The following GAS2 variants were observed in gnomAD, a reference collection of about 807,000 sequenced individuals.
GAS2 encodes growth arrest specific 2, also known as growth arrest-specific protein 2.
Under a neutral mutation model 37.5 loss-of-function variants are expected in GAS2, and 20 were observed. The observed-to-expected ratio is 0.53, with a 90% CI of 0.37 to 0.77. The LOEUF (loss-of-function observed/expected upper bound fraction) is 0.77, where lower values mean the gene tolerates loss of function less well. GAS2 is among the 30% of genes least tolerant of loss of function. The probability of loss-of-function intolerance (pLI) is 0.00; values close to 1 mark genes in which losing one functional copy is unlikely to be tolerated. For missense variants in GAS2, 336 were observed against 373.4 expected (o/e 0.90, Z 0.82); for synonymous variants, 144 against 132.2 (o/e 1.09, Z -0.61).
At chr11:22,804,521 T>G (rs1257004628) in intron 7 of GAS2, among the ~76,000 whole-genome samples, 1 of 152,112 alleles carries the variant, frequency 6.6e-6, no homozygotes, top group Non-Finnish European at 1.5e-5. Flanking sequence ...AGAAGCAAAG[T>G]GTACTGTAGG....
At chr11:22,731,685 T>C (rs775046598) in intron 4 of GAS2, among the ~76,000 whole-genome samples, 1 of 151,786 alleles carries the variant, frequency 6.6e-6, no homozygotes, top group Non-Finnish European at 1.5e-5. Context: ...AGAAAAAGAA[T>C]CTATGCCTGC....
intron 7 of GAS2, among the ~76,000 whole-genome samples, chr11:22,807,088 A>G (rs1004772020): frequency 6.9e-6 from 1 of 145,048 alleles, no homozygotes; most frequent in Non-Finnish European, 1.5e-5. Context: ...CATTTTTTTC[A>G]GTGTAGCTTA....
At chr11:22,756,152 C>T (rs937164459) in intron 7 of GAS2, among the ~76,000 whole-genome samples, 199 bp downstream of exon 7, 22 of 151,938 alleles carry the variant, frequency 1.4e-4, no homozygotes, top group African/African-American at 5.1e-4. Context: ...GTACATATAC[C>T]AAAACGCATA....
intron 4 of GAS2, 68 bp downstream of exon 4, chr11:22,726,501 C>A: frequency 6.9e-7 from 1 of 1,444,962 alleles, no homozygotes; most frequent in Non-Finnish European, 9.5e-7. Context: ...GTCAGTATAG[C>A]CATCAAAAAG....
chr11:22,812,428 C>T lies in GAS2; in HGVS notation c.*412C>T, dbSNP rs796213575. ...TTTTTATAATTGCAAGATTTTTATGCTTTTTTTTTTTTTTTTTTACAAAAT... is the reference window on the plus strand; with the variant it reads ...TTTTTATAATTGCAAGATTTTTATGTTTTTTTTTTTTTTTTTTTACAAAAT... On this transcript the variant is annotated 3_prime_UTR_variant, in exon 8 of 8. Coordinates refer to ENST00000454584, the MANE Select transcript of GAS2 (RefSeq NM_001143830.3). 37 of 136,954 alleles carry T rather than the reference C, an allele frequency of 2.7e-4. No individual in the cohort carries two copies. The highest frequency in any genetic ancestry group is 3.7e-4 in the Admixed American group (5 of 13,514). The allele number at this position is 136,954 out of a possible 1,614,324, so 8.5% of individuals were successfully genotyped here.
intron 1 of GAS2, among the ~76,000 whole-genome samples, chr11:22,639,190 C>T (rs1271862808): frequency 6.6e-6 from 1 of 152,048 alleles, no homozygotes; most frequent in African/African-American, 2.4e-5. Flanking sequence ...AATTTAATTG[C>T]CAATATAATA....
intron 1 of GAS2, chr11:22,626,233 T>C: frequency 4.3e-6 from 1 of 229,930 alleles, no homozygotes. Flanking sequence ...GAAACGCTCT[T>C]AAATGAAATT....
chr11:22,786,726 T>C (rs1388618564), intron 7 of GAS2, among the ~76,000 whole-genome samples: 4 of 152,152 alleles, frequency 2.6e-5, no homozygotes, highest in Non-Finnish European at 5.9e-5. Context: ...CAAAAGTAGA[T>C]GCAAATGGGT....
chr11:22,647,558 A>G lies in GAS2; in HGVS notation c.-21+21745A>G, dbSNP rs1024808887. ...CCACCAACAGTGTAAAAGTGTTCCT[A>G]TTTCTCCGCATCCTCTCCAGCACCT... is the stretch of plus-strand genomic sequence containing the variant. On this transcript the variant is annotated intron_variant, in intron 1 of 5. Transcript: ENST00000528582. 1.1e-4 allele frequency among the ~76,000 whole-genome samples: 16 copies of G among 152,218 alleles called. No individual in the cohort carries two copies. In the South Asian group the frequency reaches 1.2e-3, roughly 12 times the overall value.
chr11:22,683,154 T>TC (rs1397801850), intron 2 of GAS2, among the ~76,000 whole-genome samples: 1 of 134,168 alleles, frequency 7.5e-6, no homozygotes, highest in African/African-American at 3.2e-5. Context: ...TTAAGACTGC[T>TC]CCCAAAAATG....
chr11:22,757,272 C>A (rs1057370976), intron 7 of GAS2, among the ~76,000 whole-genome samples: 3 of 151,964 alleles, frequency 2.0e-5, no homozygotes, highest in African/African-American at 7.2e-5. Flanking sequence ...ATTTTAATGT[C>A]CACATTTGTG....
chr11:22,685,646 A>G, intron 2 of GAS2, 22 bp from the exon 3 acceptor site: 2 of 1,604,482 alleles, frequency 1.2e-6, no homozygotes, highest in African/African-American at 2.7e-5. Context: ...TCCTTTTATA[A>G]TGCTTCTTTT....
intron 5 of GAS2, among the ~76,000 whole-genome samples, chr11:22,745,415 A>G (rs1432616464): frequency 6.6e-6 from 1 of 152,150 alleles, no homozygotes; most frequent in Non-Finnish European, 1.5e-5. Context: ...CCATAAGCAG[A>G]AGAATGAAAC....
At chr11:22,683,879 A>G (rs1479911086) in intron 2 of GAS2, among the ~76,000 whole-genome samples, 1 of 152,234 alleles carries the variant, frequency 6.6e-6, no homozygotes, top group East Asian at 1.9e-4. Context: ...TTTGTAACAT[A>G]CTAAAGAAGA....
chr11:22,769,425 T>G (rs1854861785), intron 7 of GAS2, among the ~76,000 whole-genome samples: 4 of 152,214 alleles, frequency 2.6e-5, no homozygotes, highest in Admixed American at 1.3e-4. Flanking sequence ...TGAACCTGAA[T>G]GTTAATTGAC....
At chr11:22,732,140 G>A (rs11026759) in intron 4 of GAS2, among the ~76,000 whole-genome samples, 21,623 of 151,516 alleles carry the variant, frequency 0.14, 1,688 homozygotes, top group East Asian at 0.2. Flanking sequence ...CTTTGTCTGC[G>A]TTCATTTTAG....
intron 2 of GAS2, among the ~76,000 whole-genome samples, chr11:22,678,799 A>G (rs1849550055): frequency 6.6e-6 from 1 of 152,000 alleles, no homozygotes; most frequent in African/African-American, 2.4e-5. Flanking sequence ...TAGAGAAGAA[A>G]GTGATTTTGT....
chr11:22,774,744 A>G (rs1310231318), intron 7 of GAS2, among the ~76,000 whole-genome samples: 1 of 152,094 alleles, frequency 6.6e-6, no homozygotes, highest in African/African-American at 2.4e-5. Context: ...TTTGGGGTTG[A>G]AGTTGCCAGT....
intron 1 of GAS2, among the ~76,000 whole-genome samples, chr11:22,647,190 G>A (rs1848707043): frequency 6.7e-6 from 1 of 149,550 alleles, no homozygotes; most frequent in Admixed American, 6.8e-5. Flanking sequence ...GTTTGTTCTT[G>A]CGATAGTTTA....
Sources: gnomAD v4.1 joint callset for allele counts (sites outside exome capture counted in the v4.1 genomes callset) on GRCh38, gnomAD v4.1.1 for gene constraint, MANE v1.5 for transcripts, NCBI Gene and HGNC (gene_info 2026-07-23, HGNC 2026-07-21) for gene names.